DMC1: variants seen among roughly 807,000 people sequenced by gnomAD.
DMC1 encodes the protein DNA meiotic recombinase 1.
A neutral mutation model predicts 50.1 loss-of-function variants in DMC1; 27 were observed. The ratio of observed to expected loss-of-function variants is 0.54; its 90% CI spans 0.40 to 0.74. DMC1 has a LOEUF of 0.74. Among genes scored for constraint, DMC1 ranks in the 30% least tolerant of loss-of-function variants. The pLI is 0.00. For synonymous variants in DMC1, 148 were observed against 136.1 expected, an observed-to-expected ratio of 1.09 and a Z score of -0.61; for missense variants, 295 against 420.2, an observed-to-expected ratio of 0.70 and a Z score of 2.60.
the DMC1 span, among the ~76,000 whole-genome samples, chr22:38,512,228 A>G: frequency 2.0e-4 from 31 of 151,314 alleles, no homozygotes; most frequent in South Asian, 4.6e-3. Flanking sequence ...ACCTGCCTCA[A>G]CCTCCCTAAG....
At chr22:38,518,504 A>T (rs1474365037), downstream of DMC1, among the ~76,000 whole-genome samples, 1 of 151,882 alleles carries the variant, frequency 6.6e-6, no homozygotes, top group African/African-American at 2.4e-5. Context: ...AACAAATGGT[A>T]CTTCGAATAC....
chr22:38,515,553 CT>C (rs1161479179), downstream of DMC1, among the ~76,000 whole-genome samples: 1 of 151,390 alleles, frequency 6.6e-6, no homozygotes, highest in Non-Finnish European at 1.5e-5. Context: ...AATCCCAGCA[CT>C]TTGGGAGGCT....
At chr22:38,517,834 A>C (rs942474467), downstream of DMC1, among the ~76,000 whole-genome samples, 6 of 152,312 alleles carry the variant, frequency 3.9e-5, no homozygotes, top group Admixed American at 3.3e-4. Context: ...AAGGAAGAAA[A>C]AAAGCTCCTA....
chr22:38,528,711 G>C (rs2090123014), intron 12 of DMC1, among the ~76,000 whole-genome samples: 1 of 152,052 alleles, frequency 6.6e-6, no homozygotes, highest in Non-Finnish European at 1.5e-5. Flanking sequence ...ACTTGAGCCT[G>C]GGAGGCCAAG....
the DMC1 span, among the ~76,000 whole-genome samples, chr22:38,513,581 C>A: frequency 6.6e-6 from 1 of 151,828 alleles, no homozygotes; most frequent in Non-Finnish European, 1.5e-5. Flanking sequence ...TTTCTTTTTT[C>A]TTTTCTTTTT....
chr22:38,556,609 A>G (rs1255336065), intron 5 of DMC1, among the ~76,000 whole-genome samples: 1 of 152,234 alleles, frequency 6.6e-6, no homozygotes, highest in Non-Finnish European at 1.5e-5. Context: ...GTTGTAGTGC[A>G]TTTAAAGCTC....
chr22:38,545,843 G>C (rs1241270271), intron 8 of DMC1: 1 of 152,136 alleles, frequency 6.6e-6, no homozygotes, highest in East Asian at 1.9e-4. Flanking sequence ...CCAAGGCAAA[G>C]CATTATGGAG....
At chr22:38,536,025 A>G (rs2090207911) in intron 12 of DMC1, among the ~76,000 whole-genome samples, 1 of 147,090 alleles carries the variant, frequency 6.8e-6, no homozygotes, top group Admixed American at 6.8e-5. Flanking sequence ...GTTCGAGACC[A>G]GCCTGGCCAA....
In DMC1 at chr22:38,520,058, C is replaced by T. The variant is rs368267530; in HGVS notation, c.985G>A (p.Ala329Thr). ...PEMPENEATF[A>T]ITAGGIGDAK... is the part of the protein sequence containing the mutation. ...TCCCCAATTCCTCCAGCAGTTATTG[C>T]GAAGGTGGCTTCATTTTCAGGCATC... Residue 329 changes from alanine (A) to threonine (T), a missense_variant, in exon 14 of 14, where the codon GCA (alanine) becomes ACA (threonine). Transcript: ENST00000216024. 8.9e-5 allele frequency: 144 copies of T among 1,613,196 alleles called. No homozygotes were observed. Among genetic ancestry groups the T allele is most frequent in the African/African-American group, 2.5e-4 (19 of 74,866 alleles).
intron 7 of DMC1, among the ~76,000 whole-genome samples, chr22:38,550,317 C>CTTTTTTTTTTTT (rs11458767): frequency 7.5e-6 from 1 of 133,992 alleles, no homozygotes; most frequent in Non-Finnish European, 1.6e-5. Context: ...CTTTTCTTTT[C>CTTTTTTTTTTTT]TTTTTTTTTT....
intron 8 of DMC1, among the ~76,000 whole-genome samples, chr22:38,542,304 A>G (rs62228933): frequency 0.012 from 1,849 of 152,072 alleles, 18 homozygotes; most frequent in Middle Eastern, 0.02. Context: ...GTTTGGAAAA[A>G]CCCAGACTCC....
chr22:38,509,995 A>G, the DMC1 span, among the ~76,000 whole-genome samples: 32 of 152,276 alleles, frequency 2.1e-4, no homozygotes, highest in East Asian at 5.6e-3. Flanking sequence ...AATAATATAA[A>G]TAGGCCGGGC....
intron 8 of DMC1, among the ~76,000 whole-genome samples, chr22:38,542,062 C>T (rs546297840): frequency 1.4e-5 from 2 of 146,974 alleles, no homozygotes; most frequent in East Asian, 4.0e-4. Context: ...GGAACATAAC[C>T]CAACATAAAA....
At chr22:38,557,486 G>A (rs1016865696) in intron 5 of DMC1, among the ~76,000 whole-genome samples, 1 of 151,894 alleles carries the variant, frequency 6.6e-6, no homozygotes, top group African/African-American at 2.4e-5. Context: ...GAGGTGGATC[G>A]CTCGAGCCTG....
At chr22:38,544,792 AT>A (rs71197118) in intron 8 of DMC1, among the ~76,000 whole-genome samples, 142,351 of 143,566 alleles carry the variant, frequency 0.99, 70,570 homozygotes, top group African/African-American at 0.99. Context: ...TGCCCGGCTA[AT>A]TTTTTTTTTT....
At chr22:38,533,056 T>C (rs2090170388) in intron 12 of DMC1, among the ~76,000 whole-genome samples, 1 of 152,088 alleles carries the variant, frequency 6.6e-6, no homozygotes, top group East Asian at 1.9e-4. Flanking sequence ...GTAGTTAATA[T>C]TTTTCACAGG....
intron 2 of DMC1, 49 bp from the exon 3 acceptor site, chr22:38,567,676 G>T: frequency 7.3e-7 from 1 of 1,362,322 alleles, no homozygotes; most frequent in Non-Finnish European, 1.1e-6. Flanking sequence ...TTCATATCCA[G>T]CTATTTCACA....
chr22:38,561,360 A>G (rs2090525787), intron 5 of DMC1, among the ~76,000 whole-genome samples: 1 of 148,742 alleles, frequency 6.7e-6, no homozygotes, highest in South Asian at 2.1e-4. Context: ...CCCTGACTCC[A>G]TCTCTTTTTT....
chr22:38,540,190 C>T (rs1030831625), intron 8 of DMC1, among the ~76,000 whole-genome samples: 3 of 151,952 alleles, frequency 2.0e-5, no homozygotes, highest in Non-Finnish European at 2.9e-5. Context: ...TGATTACAGG[C>T]GCGAGCCATC....
Sources: allele counts gnomAD v4.1 joint callset (sites outside exome capture counted in the v4.1 genomes callset), GRCh38; gene constraint gnomAD v4.1.1; transcripts MANE v1.5; gene names NCBI Gene and HGNC (gene_info 2026-07-23, HGNC 2026-07-21).